Variants in DAB1 observed in about 807,000 individuals in gnomAD.
DAB1 encodes the protein DAB adaptor protein 1.
A neutral mutation model predicts 64.6 loss-of-function variants in DAB1; 15 were observed. That is an observed-to-expected ratio of 0.23 (90% confidence interval 0.16 to 0.36). The LOEUF (loss-of-function observed/expected upper bound fraction) is 0.36, where lower values mean the gene tolerates loss of function less well. DAB1 is among the 10% of genes least tolerant of loss of function. The pLI is 1.00. For synonymous variants in DAB1, 235 were observed against 251.9 expected, an observed-to-expected ratio of 0.93 and a Z score of 0.64; for missense variants, 596 against 706.7, an observed-to-expected ratio of 0.84 and a Z score of 1.78.
At chr1:57,918,428 G>C (rs1294181573) in intron 5 of DAB1, among the ~76,000 whole-genome samples, 1 of 152,104 alleles carries the variant, frequency 6.6e-6, no homozygotes, top group Non-Finnish European at 1.5e-5. Context: ...ACACTTCCAA[G>C]GAGAAAATAC....
At chr1:57,974,317 A>G (rs184268753) in intron 5 of DAB1, among the ~76,000 whole-genome samples, 140 of 152,116 alleles carry the variant, frequency 9.2e-4, no homozygotes, top group Admixed American at 2.0e-3. Context: ...GTCTTTGGGC[A>G]TTTATTGAAT....
intron 3 of DAB1, among the ~76,000 whole-genome samples, chr1:58,489,250 T>G (rs1302497586): frequency 6.6e-6 from 1 of 152,178 alleles, no homozygotes; most frequent in Non-Finnish European, 1.5e-5. Flanking sequence ...ACCCTAATAC[T>G]GCAATTTTCC....
intron 1 of DAB1, among the ~76,000 whole-genome samples, chr1:57,359,740 A>T (rs1028540890): frequency 6.6e-6 from 1 of 152,114 alleles, no homozygotes; most frequent in African/African-American, 2.4e-5. Flanking sequence ...TACACAATGT[A>T]ATACTATTCA....
At chr1:58,478,889 C>A (rs1557433239) in intron 3 of DAB1, among the ~76,000 whole-genome samples, 1 of 152,242 alleles carries the variant, frequency 6.6e-6, no homozygotes, top group South Asian at 2.1e-4. Context: ...AGTTCTGCAA[C>A]TAAGTGTAGA....
chr1:57,224,013 T>C (rs1477897815), intron 2 of DAB1, among the ~76,000 whole-genome samples: 2 of 152,212 alleles, frequency 1.3e-5, no homozygotes, highest in Non-Finnish European at 2.9e-5. Flanking sequence ...TCCGATTCCT[T>C]TGTTGCCCTT....
intron 6 of DAB1, among the ~76,000 whole-genome samples, chr1:57,694,985 C>G (rs1646806729): frequency 6.6e-6 from 1 of 151,992 alleles, no homozygotes; most frequent in Non-Finnish European, 1.5e-5. Flanking sequence ...CCAGTTAATG[C>G]TAAAATTTCC....
At chr1:58,161,125 C>T (rs1655513083) in intron 4 of DAB1, among the ~76,000 whole-genome samples, 1 of 152,186 alleles carries the variant, frequency 6.6e-6, no homozygotes, top group East Asian at 1.9e-4. Flanking sequence ...GGTAGAACCA[C>T]AACACACAAG....
At chr1:57,351,840 CAT>C (rs1305744206) in intron 1 of DAB1, among the ~76,000 whole-genome samples, 1 of 152,022 alleles carries the variant, frequency 6.6e-6, no homozygotes, top group Admixed American at 6.6e-5. Context: ...AACACCCACA[CAT>C]GTTTATTTGT....
At chr1:57,129,938 C>T (rs1256510463) in intron 4 of DAB1, among the ~76,000 whole-genome samples, 1 of 151,988 alleles carries the variant, frequency 6.6e-6, no homozygotes, top group East Asian at 1.9e-4. Context: ...CCCTGAATGC[C>T]TTCCCTTTTA....
In DAB1 at chr1:57,252,620, T is replaced by C. The variant is rs182377094; in HGVS notation, c.67+38344A>G. On this transcript the variant is annotated intron_variant, in intron 2 of 14. Coordinates refer to ENST00000371236, the MANE Select transcript of DAB1 (RefSeq NM_001365792.1). ...TGTTCTAGTTGGACAAACAGAGAAATAGACCAACAATGAAAATATGCTGTG... is the reference window on the plus strand; with the variant it reads ...TGTTCTAGTTGGACAAACAGAGAAACAGACCAACAATGAAAATATGCTGTG... Among the ~76,000 whole-genome samples the C allele has an allele frequency of 1.7e-3, 260 of 152,222 alleles. 5 individuals carry two copies. The highest frequency in any genetic ancestry group is 4.1e-4 in the Non-Finnish European group (28 of 68,008).
At chr1:57,700,625 C>T (rs1646895794) in intron 6 of DAB1, among the ~76,000 whole-genome samples, 1 of 152,120 alleles carries the variant, frequency 6.6e-6, no homozygotes, top group African/African-American at 2.4e-5. Flanking sequence ...TCTCTTTGTC[C>T]TCGATCTTTG....
At chr1:57,696,300 T>C (rs1646844552) in intron 6 of DAB1, among the ~76,000 whole-genome samples, 2 of 152,080 alleles carry the variant, frequency 1.3e-5, no homozygotes, top group African/African-American at 2.4e-5. Flanking sequence ...AGCAGGAGTT[T>C]TGTCAAGGAC....
intron 4 of DAB1, among the ~76,000 whole-genome samples, chr1:57,130,176 A>T (rs1657526558): frequency 6.6e-6 from 1 of 152,006 alleles, no homozygotes; most frequent in African/African-American, 2.4e-5. Flanking sequence ...GGACATAGAA[A>T]GACTGTACAG....
chr1:57,038,073 C>T (rs556135288), intron 9 of DAB1, among the ~76,000 whole-genome samples: 23 of 152,080 alleles, frequency 1.5e-4, no homozygotes, highest in Admixed American at 8.5e-4. Flanking sequence ...TTGGACAGCA[C>T]GACTCTAGAT....
chr1:57,484,552 G>A (rs1381425249), intron 7 of DAB1, among the ~76,000 whole-genome samples: 5 of 152,200 alleles, frequency 3.3e-5, no homozygotes, highest in Non-Finnish European at 7.3e-5. Context: ...TAGGTAGGGA[G>A]GAGACCAGGG....
At chr1:58,121,593 A>G (rs1315197774) in intron 5 of DAB1, among the ~76,000 whole-genome samples, 5 of 152,124 alleles carry the variant, frequency 3.3e-5, no homozygotes, top group Admixed American at 3.3e-4. Flanking sequence ...TGCCAGCATG[A>G]GGATCATCTG....
chr1:58,230,490 A>T (rs1238409946), intron 4 of DAB1, among the ~76,000 whole-genome samples: 3 of 151,896 alleles, frequency 2.0e-5, no homozygotes, highest in Non-Finnish European at 2.9e-5. Context: ...CTTAGAAAAA[A>T]CCCACCTCTA....
chr1:58,152,080 C>T (rs1483406823), intron 4 of DAB1, among the ~76,000 whole-genome samples: 6 of 152,030 alleles, frequency 3.9e-5, no homozygotes, highest in Middle Eastern at 3.4e-3. Context: ...GGTGGGGTGG[C>T]GAAAGAAGAT....
chr1:57,090,859 G>A (rs1257892183), intron 4 of DAB1, among the ~76,000 whole-genome samples: 1 of 152,138 alleles, frequency 6.6e-6, no homozygotes, highest in African/African-American at 2.4e-5. Context: ...TACCGCCTGA[G>A]CTCTACCTCC....
Sources: allele counts gnomAD v4.1 joint callset (sites outside exome capture counted in the v4.1 genomes callset), GRCh38; gene constraint gnomAD v4.1.1; transcripts MANE v1.5; gene names NCBI Gene and HGNC (gene_info 2026-07-23, HGNC 2026-07-21).